XRN2: variants seen among roughly 807,000 people sequenced by gnomAD.
XRN2 encodes the protein 5'-3' exoribonuclease 2, also known as DHM1-like protein.
A neutral mutation model predicts 138.5 loss-of-function variants in XRN2; 44 were observed. The ratio of observed to expected loss-of-function variants is 0.32; its 90% CI spans 0.25 to 0.41. XRN2 has a LOEUF of 0.41. Ranked by LOEUF, XRN2 falls within the 10% of genes least tolerant of loss-of-function variation. XRN2 has a pLI of 1.00. For synonymous variants in XRN2, 354 were observed against 369.4 expected, an observed-to-expected ratio of 0.96 and a Z score of 0.48; for missense variants, 937 against 1,169.3, an observed-to-expected ratio of 0.80 and a Z score of 2.90.
chr20:21,342,211 T>A lies in XRN2; in HGVS notation c.1410+1359T>A, dbSNP rs376763945. Among the ~76,000 whole-genome samples the A allele has an allele frequency of 5.3e-5, 8 of 152,182 alleles. No homozygotes were observed. The South Asian group carries it at 1.7e-3, about 32-fold the overall frequency. ...AGTTACAGATTTCTCGTGTTTTATT[T>A]TTCTGAGCTGTTGGGTTGTAGTCTC... On this transcript the variant is annotated intron_variant, in intron 15 of 29. Coordinates refer to ENST00000377191, the MANE Select transcript of XRN2 (RefSeq NM_012255.5).
At chr20:21,375,667 T>C (rs2038812350) in intron 27 of XRN2, among the ~76,000 whole-genome samples, 1 of 151,930 alleles carries the variant, frequency 6.6e-6, no homozygotes, top group Non-Finnish European at 1.5e-5. Context: ...AGAAATGGTA[T>C]TGCTGGATCA....
At chr20:21,353,127 A>G (rs1032920017) in intron 20 of XRN2, among the ~76,000 whole-genome samples, 5 of 146,776 alleles carry the variant, frequency 3.4e-5, no homozygotes, top group African/African-American at 9.9e-5. Flanking sequence ...TATATGTATA[A>G]TATTTAATAT....
chr20:21,328,983 T>G (rs2038165755), intron 4 of XRN2, among the ~76,000 whole-genome samples: 1 of 152,200 alleles, frequency 6.6e-6, no homozygotes, highest in Non-Finnish European at 1.5e-5. Flanking sequence ...AATAGAAATA[T>G]AGTAAGTATT....
chr20:21,370,476 TAATAC>T (rs1230950972), intron 27 of XRN2, among the ~76,000 whole-genome samples: 1 of 152,250 alleles, frequency 6.6e-6, no homozygotes. Context: ...TTTATTTAAT[TAATAC>T]AAGTATAATT....
chr20:21,373,511 G>C (rs1017695277), intron 27 of XRN2, among the ~76,000 whole-genome samples: 2 of 152,206 alleles, frequency 1.3e-5, no homozygotes, highest in African/African-American at 2.4e-5. Context: ...CTGTAGGATT[G>C]TGTGTATGTT....
chr20:21,342,290 A>G (rs1323506692), intron 15 of XRN2, among the ~76,000 whole-genome samples: 2 of 151,938 alleles, frequency 1.3e-5, no homozygotes, highest in Non-Finnish European at 2.9e-5. Flanking sequence ...AATAGCTTCC[A>G]TTTCCTTATA....
rs770038508 is a variant in XRN2 at position 21,326,065 on chromosome 20, C to G, written c.76-214C>G. On this transcript the variant is annotated intron_variant, in intron 1 of 29. Coordinates refer to ENST00000377191, the MANE Select transcript of XRN2 (RefSeq NM_012255.5). The stretch of plus-strand genomic sequence containing the variant: ...TGAATTTTCTAAACATCTACATTGT[C>G]AAAAATAACTTGTGTTAGAAGCCAT... Among the ~76,000 whole-genome samples the G allele has an allele frequency of 1.2e-4, 19 of 152,158 alleles. 1 individual carries two copies. The highest frequency in any genetic ancestry group is 4.6e-4 in the Admixed American group (7 of 15,284).
intron 1 of XRN2, among the ~76,000 whole-genome samples, chr20:21,322,688 A>G (rs757758656): frequency 3.3e-5 from 5 of 152,230 alleles, no homozygotes; most frequent in Non-Finnish European, 5.9e-5. Flanking sequence ...TGTGTAATGT[A>G]TATTTATACA....
At chr20:21,335,630 A>G (rs1256726731) in intron 13 of XRN2, among the ~76,000 whole-genome samples, 2 of 152,220 alleles carry the variant, frequency 1.3e-5, no homozygotes, top group Non-Finnish European at 2.9e-5. Context: ...TGTCTGGAAG[A>G]TCAGATGTCA....
chr20:21,335,687 T>C (rs1378599916), intron 13 of XRN2, among the ~76,000 whole-genome samples: 1 of 152,264 alleles, frequency 6.6e-6, no homozygotes, highest in Non-Finnish European at 1.5e-5. Flanking sequence ...GTGGCATCCC[T>C]TGATCTGCTG....
At chr20:21,331,703 G>A (rs2038211986) in intron 7 of XRN2, 65 bp from the exon 8 acceptor site, 1 of 1,591,180 alleles carries the variant, frequency 6.3e-7, no homozygotes. Flanking sequence ...AAAATACTTG[G>A]TATGAAGTGA....
intron 24 of XRN2, among the ~76,000 whole-genome samples, chr20:21,362,506 C>G (rs1262304185): frequency 6.6e-6 from 1 of 152,128 alleles, no homozygotes; most frequent in Admixed American, 6.5e-5. Flanking sequence ...AGATGTGTGT[C>G]GAAGACTGTT....
Position 21,354,860 on chromosome 20 carries a change from A to G in XRN2, c.2008A>G (p.Thr670Ala), listed in dbSNP as rs2038557060. The G allele has an allele frequency of 5.6e-6, 9 of 1,613,126 alleles. No individual in the cohort carries two copies. Among genetic ancestry groups the G allele is most frequent in the Non-Finnish European group, 7.6e-6 (9 of 1,179,390 alleles). ...AALEEVYPDL[T>A]PEETRRNSLG... ...CCTAGAAGAGGTATACCCAGACCTCACTCCAGAAGAGAGTAAGAATTATAC... is the reference window on the plus strand; with the variant it reads ...CCTAGAAGAGGTATACCCAGACCTCGCTCCAGAAGAGAGTAAGAATTATAC... Residue 670 changes from threonine to alanine, a missense_variant, in exon 21 of 30, where the codon ACT (threonine) becomes GCT (alanine). Physicochemically the swap from Thr to Ala is moderately conservative, Grantham distance 58. Around this residue, in one of 6 missense-constraint regions of XRN2, gnomAD observed 372 missense variants for 414.4 expected, o/e 0.90. Coordinates refer to ENST00000377191, the MANE Select transcript of XRN2 (RefSeq NM_012255.5).
At chr20:21,330,021 C>T (rs1028120498) in intron 4 of XRN2, among the ~76,000 whole-genome samples, 8 of 152,008 alleles carry the variant, frequency 5.3e-5, no homozygotes, top group Non-Finnish European at 1.0e-4. Flanking sequence ...GATGGCTCAC[C>T]CCTGTAATCC....
chr20:21,366,916 T>C (rs1198347888), intron 26 of XRN2, among the ~76,000 whole-genome samples: 2 of 152,218 alleles, frequency 1.3e-5, no homozygotes, highest in Non-Finnish European at 2.9e-5. Flanking sequence ...CGTTTTACTG[T>C]TTTTCTGACT....
intron 1 of XRN2, 70 bp downstream of exon 1, chr20:21,303,543 G>T: frequency 6.9e-7 from 1 of 1,458,200 alleles, no homozygotes; most frequent in South Asian, 1.4e-5. Context: ...CGGCCCATGG[G>T]CTCCGCCGCC....
rs1342500382 is a variant in XRN2 at position 21,304,776 on chromosome 20, G to C, written c.75+1303G>C. Among the ~76,000 whole-genome samples, 6 of 152,152 alleles carry C rather than the reference G, an allele frequency of 3.9e-5. No individual in the cohort carries two copies. The East Asian group carries it at 1.2e-3, about 29-fold the overall frequency. On this transcript the variant is annotated intron_variant, in intron 1 of 29. Transcript: ENST00000377191. ...ATTTGCCTTTTTCATTCCATCGCCTGTGTAACGTATCCCTTGACTCAATGC... is the reference window on the plus strand; with the variant it reads ...ATTTGCCTTTTTCATTCCATCGCCTCTGTAACGTATCCCTTGACTCAATGC...
Sources: allele counts gnomAD v4.1 joint callset (sites outside exome capture counted in the v4.1 genomes callset), GRCh38; gene constraint gnomAD v4.1.1; regional missense constraint gnomAD v4.1.1; transcripts MANE v1.5; gene names NCBI Gene and HGNC (gene_info 2026-07-23, HGNC 2026-07-21).